CHCHD6: variants seen among roughly 807,000 people sequenced by gnomAD.
CHCHD6 encodes MICOS complex subunit MIC25.
In CHCHD6, 28 loss-of-function variants were observed where a neutral mutation model predicts 32.3. The ratio of observed to expected loss-of-function variants is 0.87; its 90% CI spans 0.64 to 1.19. CHCHD6 has a LOEUF of 1.19. Ranked by LOEUF, CHCHD6 falls within the 50% of genes most tolerant of loss-of-function variation. CHCHD6 has a pLI of 0.00. For missense variants in CHCHD6, 333 were observed against 307.0 expected (o/e 1.08, Z -0.63); for synonymous variants, 122 against 117.5 (o/e 1.04, Z -0.25).
chr3:126,776,924 C>T (rs1425532163), intron 4 of CHCHD6, among the ~76,000 whole-genome samples: 1 of 152,176 alleles, frequency 6.6e-6, no homozygotes, highest in Non-Finnish European at 1.5e-5. Context: ...GGCCACACTT[C>T]TAGAAAGTGC....
At chr3:126,711,288 A>C (rs1040434074) in intron 1 of CHCHD6, among the ~76,000 whole-genome samples, 29 of 152,304 alleles carry the variant, frequency 1.9e-4, no homozygotes, top group African/African-American at 7.0e-4. Flanking sequence ...GTGCATGAGA[A>C]TCTTATTCTT....
At position 126,798,926 on chromosome 3, in the gene CHCHD6, T is replaced by C. The variant is rs1576429396; in HGVS notation, c.412-53721T>C. 2.0e-5 allele frequency among the ~76,000 whole-genome samples: 3 copies of C among 152,308 alleles called. No homozygotes were observed. The South Asian group carries it at 6.2e-4, about 32-fold the overall frequency. ...GCTCTTGTATCCTGGAATGTTCCGT[T>C]TTTCTTTCTTCCCCAGGTTAACAGG... On this transcript the variant is annotated intron_variant, in intron 4 of 7. Transcript: ENST00000290913.
intron 1 of CHCHD6, among the ~76,000 whole-genome samples, chr3:126,721,714 A>T (rs1014018325): frequency 9.6e-5 from 3 of 31,222 alleles, no homozygotes; most frequent in Admixed American, 3.8e-4. Context: ...CCCACCCCCC[A>T]CCCTCCCCAC....
In CHCHD6 at chr3:126,957,529, G is replaced by A. The variant is rs780164576; in HGVS notation, c.680G>A (p.Arg227His). 7 of 1,576,382 alleles carry A rather than the reference G, an allele frequency of 4.4e-6. No homozygotes were observed. The highest frequency in any genetic ancestry group is 1.2e-5 in the South Asian group (1 of 86,160). Residue 227 changes from arginine (R) to histidine (H), a missense_variant, in exon 7 of 8, where the codon CGC becomes CAC. Arg to His is a conservative substitution (Grantham distance 29). Coordinates refer to ENST00000290913, the MANE Select transcript of CHCHD6 (RefSeq NM_032343.3). Reference sequence around the variant, plus strand: ...TCGGACCTGGTCAAGGCATACCAGCGCTGCGTGAGCGCCGCCCACAAGGTA... The same window carrying A: ...TCGGACCTGGTCAAGGCATACCAGCACTGCGTGAGCGCCGCCCACAAGGTA... ...LCSDLVKAYQ[R>H]CVSAAHKG
intron 2 of CHCHD6, 29 bp downstream of exon 2, chr3:126,727,215 T>C (rs758508278): frequency 1.9e-5 from 28 of 1,506,216 alleles, no homozygotes; most frequent in Non-Finnish European, 2.5e-5. Context: ...TTCTGTGGAG[T>C]GTGGAGAGAC....
At chr3:126,921,463 A>C (rs971333892) in intron 6 of CHCHD6, among the ~76,000 whole-genome samples, 4 of 151,912 alleles carry the variant, frequency 2.6e-5, no homozygotes, top group Non-Finnish European at 5.9e-5. Context: ...ACCCCAGGGA[A>C]CCTCCTGCAT....
intron 4 of CHCHD6, among the ~76,000 whole-genome samples, chr3:126,816,939 A>G (rs1041042079): frequency 6.6e-6 from 1 of 151,406 alleles, no homozygotes; most frequent in African/African-American, 2.4e-5. Flanking sequence ...TTCAATTTCC[A>G]CCTATGAGTG....
At chr3:126,772,619 C>T (rs1392462728) in intron 4 of CHCHD6, among the ~76,000 whole-genome samples, 1 of 152,030 alleles carries the variant, frequency 6.6e-6, no homozygotes, top group East Asian at 1.9e-4. Context: ...TATTTTGAGC[C>T]TGTGGATGTC....
intron 4 of CHCHD6, among the ~76,000 whole-genome samples, chr3:126,796,469 T>G (rs930504741): frequency 3.9e-5 from 6 of 152,156 alleles, no homozygotes; most frequent in African/African-American, 1.4e-4. Flanking sequence ...TAGTTTCCAA[T>G]GGAGTGTTTT....
intron 1 of CHCHD6, among the ~76,000 whole-genome samples, chr3:126,708,486 A>C (rs1489289168): frequency 6.6e-6 from 1 of 152,060 alleles, no homozygotes; most frequent in Admixed American, 6.5e-5. Context: ...GAGCTTTGGA[A>C]AGGTTCTGTC....
chr3:126,793,637 G>C (rs1938655285), intron 4 of CHCHD6, among the ~76,000 whole-genome samples: 1 of 152,126 alleles, frequency 6.6e-6, no homozygotes, highest in African/African-American at 2.4e-5. Context: ...GAGAGGCATT[G>C]TTGTATTTAC....
intron 4 of CHCHD6, among the ~76,000 whole-genome samples, chr3:126,810,178 G>A (rs1201976220): frequency 6.6e-6 from 1 of 152,148 alleles, no homozygotes; most frequent in African/African-American, 2.4e-5. Context: ...ATACTAGAAA[G>A]GAAATATAAC....
At chr3:126,865,749 T>A (rs1031298040) in intron 5 of CHCHD6, 85 of 984,082 alleles carry the variant, frequency 8.6e-5, no homozygotes, top group Non-Finnish European at 1.0e-4. Flanking sequence ...GTATGTTTGC[T>A]AAAGATGTGT....
intron 6 of CHCHD6, among the ~76,000 whole-genome samples, chr3:126,930,753 C>T (rs2078392374): frequency 6.6e-6 from 1 of 152,240 alleles, no homozygotes; most frequent in Admixed American, 6.5e-5. Flanking sequence ...CTATCCATCC[C>T]TACCCCTTCC....
At chr3:126,826,228 C>G (rs1323955419) in intron 4 of CHCHD6, among the ~76,000 whole-genome samples, 1 of 152,098 alleles carries the variant, frequency 6.6e-6, no homozygotes, top group Non-Finnish European at 1.5e-5. Flanking sequence ...TTCCATTGTC[C>G]AGGGCTTAGA....
At chr3:126,754,489 G>A (rs1936867061) in intron 4 of CHCHD6, among the ~76,000 whole-genome samples, 1 of 152,218 alleles carries the variant, frequency 6.6e-6, no homozygotes, top group Non-Finnish European at 1.5e-5. Context: ...AGAACACCCA[G>A]TGGCACCCTT....
intron 2 of CHCHD6, among the ~76,000 whole-genome samples, chr3:126,727,539 T>G (rs1219197682): frequency 6.6e-6 from 1 of 152,176 alleles, no homozygotes; most frequent in Non-Finnish European, 1.5e-5. Flanking sequence ...AACTCCCAAG[T>G]CAAAGAATGA....
At chr3:126,909,753 A>G (rs907277003) in intron 5 of CHCHD6, among the ~76,000 whole-genome samples, 2 of 152,182 alleles carry the variant, frequency 1.3e-5, no homozygotes, top group African/African-American at 4.8e-5. Context: ...ATCACCCAGA[A>G]ATAATAGTCC....
intron 4 of CHCHD6, among the ~76,000 whole-genome samples, chr3:126,814,806 C>G (rs1939807519): frequency 6.6e-6 from 1 of 152,172 alleles, no homozygotes; most frequent in African/African-American, 2.4e-5. Context: ...CATGGGAGCT[C>G]CAACCTAAAG....
Sources: gnomAD v4.1 joint callset for allele counts (sites outside exome capture counted in the v4.1 genomes callset) on GRCh38, gnomAD v4.1.1 for gene constraint, MANE v1.5 for transcripts, NCBI Gene and HGNC (gene_info 2026-07-23, HGNC 2026-07-21) for gene names.